GSDME: variants seen among roughly 807,000 people sequenced by gnomAD.
The protein encoded by GSDME is gasdermin-E.
A neutral mutation model predicts 47.5 loss-of-function variants in GSDME; 44 were observed. The observed-to-expected ratio is 0.93, with a 90% CI of 0.73 to 1.19. The LOEUF is 1.19. Among genes scored for constraint, GSDME ranks in the 50% most tolerant of loss-of-function variants. The probability of loss-of-function intolerance (pLI) is 0.00; values close to 1 mark genes in which losing one functional copy is unlikely to be tolerated. For synonymous variants in GSDME, 258 were observed against 252.8 expected (o/e 1.02, Z -0.20); for missense variants, 663 against 604.2 (o/e 1.10, Z -1.02).
In GSDME at chr7:24,698,878, T is replaced by G; in HGVS notation, c.*148A>C. 1.4e-6 allele frequency: 1 copy of G among 708,394 alleles called. No homozygotes were observed. The highest frequency in any genetic ancestry group is 2.5e-6 in the Non-Finnish European group (1 of 395,394). The allele number at this position is 708,394 out of a possible 1,614,324, so 43.9% of individuals were successfully genotyped here. A position where few individuals can be genotyped will look rare whatever the true frequency, so the allele number is the denominator to read the frequency against. The stretch of plus-strand genomic sequence containing the variant: ...TTAAAGAGTACCTGGTGGCTAAAAG[T>G]CAGGTCATTCATCATGCAAAATGTC... On this transcript the variant is annotated 3_prime_UTR_variant, in exon 10 of 10. Transcript: ENST00000645220.
rs915216344 is a variant in GSDME at position 24,732,515 on chromosome 7, T to A, written c.404+12047A>T. ...GTACCTGGTTTTGACTTCATTTTGC[T>A]GAAAGAGGCACTGAAGAGGGTAGGA... On this transcript the variant is annotated intron_variant, in intron 3 of 9. Transcript: ENST00000645220. This position sits in a 1 kb window ranked among gnomAD's most constrained non-coding sequence, Gnocchi z 4.8. 5.3e-5 allele frequency among the ~76,000 whole-genome samples: 8 copies of A among 152,212 alleles called. No individual in the cohort carries two copies. The highest frequency in any genetic ancestry group is 1.9e-4 in the African/African-American group (8 of 41,454).
At chr7:24,713,563 G>A (rs1789437854) in intron 5 of GSDME, among the ~76,000 whole-genome samples, 1 of 152,234 alleles carries the variant, frequency 6.6e-6, no homozygotes, top group South Asian at 2.1e-4. Context: ...CAGGCCTGGG[G>A]GTGGGAGAGG....
At chr7:24,702,501 A>G in intron 9 of GSDME, 2 of 401,670 alleles carry the variant, frequency 5.0e-6, no homozygotes, top group South Asian at 4.1e-5. Flanking sequence ...GGAAAAGTAT[A>G]AGAGTTGGAG....
chr7:24,741,348 A>C (rs1174815982), intron 3 of GSDME, among the ~76,000 whole-genome samples: 1 of 152,182 alleles, frequency 6.6e-6, no homozygotes, highest in Non-Finnish European at 1.5e-5. Flanking sequence ...CCGAGTCACT[A>C]TGAAAAAGAC....
At chr7:24,766,214 T>TGTGTGTGTGC in the GSDME span, among the ~76,000 whole-genome samples, 160 of 151,398 alleles carry the variant, frequency 1.1e-3, 1 homozygote, top group African/African-American at 3.7e-3. This position sits in a 1 kb window ranked among gnomAD's most constrained non-coding sequence, Gnocchi z 4.2. Context: ...TGTGTGTGTG[T>TGTGTGTGTGC]GCATGTTTGC....
At position 24,724,757 on chromosome 7, in the gene GSDME, G is replaced by A. The variant is rs940702560; in HGVS notation, c.405-5539C>T. On this transcript the variant is annotated intron_variant, in intron 3 of 9. Coordinates refer to ENST00000645220, the MANE Select transcript of GSDME (RefSeq NM_001127453.2). The surrounding 1 kb of genome is among the most constrained non-coding windows in gnomAD (Gnocchi z 4.8). The stretch of plus-strand genomic sequence containing the variant: ...GTTCCCTGCTCCAATGTGGTTTAAT[G>A]TTTGTCCCTTCTAAGTTTCATGTTG... The A allele has an allele frequency of 6.6e-6, 1 of 152,228 alleles. No individual in the cohort carries two copies. The highest frequency in any genetic ancestry group is 2.4e-5 in the African/African-American group (1 of 41,436). 9.4% of individuals were successfully genotyped at this position (152,228 alleles called of 1,614,324 possible).
the GSDME span, among the ~76,000 whole-genome samples, chr7:24,795,537 A>T: frequency 6.6e-6 from 1 of 152,116 alleles, no homozygotes; most frequent in Non-Finnish European, 1.5e-5. Flanking sequence ...GGGGTACGTG[A>T]CTGGGGGCTG....
chr7:24,706,333 A>C lies in GSDME; in HGVS notation c.1034T>G (p.Leu345Arg), dbSNP rs1445566238. Reference sequence around the variant, plus strand: ...CTGCTGCCGGGGCTTCAGCTCCCCCAGCACCGCCACTGTGGGCGAGAGGCC... The same window carrying C: ...CTGCTGCCGGGGCTTCAGCTCCCCCCGCACCGCCACTGTGGGCGAGAGGCC... ...VSGLSPTVAV[L>R]GELKPRQQQD... is the part of the protein sequence containing the mutation. The change falls in exon 8 of 10, where the codon CTG (leucine) becomes CGG (arginine). Residue 345 changes from leucine (L) to arginine (R), a missense_variant. Physicochemically the swap from Leu to Arg is moderately radical, Grantham distance 102. Transcript: ENST00000645220. 1 of 1,613,122 alleles carries C rather than the reference A, an allele frequency of 6.2e-7. No homozygotes were observed. The highest frequency in any genetic ancestry group is 2.2e-5 in the East Asian group (1 of 44,860).
At chr7:24,783,806 C>T in the GSDME span, among the ~76,000 whole-genome samples, 1 of 152,064 alleles carries the variant, frequency 6.6e-6, no homozygotes, top group African/African-American at 2.4e-5. Context: ...TCTAGAATTA[C>T]TCCCAGGCTC....
chr7:24,722,018 A>G (rs560160194), intron 3 of GSDME, among the ~76,000 whole-genome samples: 1 of 152,316 alleles, frequency 6.6e-6, no homozygotes, highest in South Asian at 2.1e-4. Context: ...TCTGGAGAGC[A>G]CATTTCCACA....
intron 2 of GSDME, among the ~76,000 whole-genome samples, chr7:24,747,704 G>GT (rs1482918700): frequency 6.6e-6 from 1 of 151,896 alleles, no homozygotes; most frequent in Non-Finnish European, 1.5e-5. Flanking sequence ...CAGGGACTCT[G>GT]TTGCCCAGGC....
rs546615320 is a variant in GSDME, at chr7:24,721,650, T to A, written c.405-2432A>T. ...AAACACTAGCTGGCTCCGCCCACCTTCCCGTGTCCCTCTATGAGGCTCACA... is the reference window on the plus strand; with the variant it reads ...AAACACTAGCTGGCTCCGCCCACCTACCCGTGTCCCTCTATGAGGCTCACA... On this transcript the variant is annotated intron_variant, in intron 3 of 9. Transcript: ENST00000645220. The surrounding 1 kb of genome is among the most constrained non-coding windows in gnomAD (Gnocchi z 4.1). 6.6e-6 allele frequency among the ~76,000 whole-genome samples: 1 copy of A among 152,280 alleles called. No individual in the cohort carries two copies. Among genetic ancestry groups the A allele is most frequent in the African/African-American group, 2.4e-5 (1 of 41,550 alleles).
chr7:24,701,887 C>G (rs1413817787), intron 9 of GSDME, among the ~76,000 whole-genome samples: 1 of 152,196 alleles, frequency 6.6e-6, no homozygotes, highest in Non-Finnish European at 1.5e-5. Context: ...CACAAAGGCA[C>G]CAACCACATT....
Position 24,710,341 on chromosome 7 carries a change from T to C in GSDME, c.745A>G (p.Arg249Gly), listed in dbSNP as rs1789302170. Residue 249 changes from arginine (R) to glycine (G), a missense_variant, in exon 6 of 10, where the codon AGA becomes GGA. By Grantham distance (125) the Arg-to-Gly change is moderately radical. Transcript: ENST00000645220. ...GKQGGFENKK[R>G]IDSVYLDPLV... Reference sequence around the variant, plus strand: ...GGGTCCAGGTAGACAGAGTCAATTCTCTTCTTGTTCTCGAAGCCACCTTGC... The same window carrying C: ...GGGTCCAGGTAGACAGAGTCAATTCCCTTCTTGTTCTCGAAGCCACCTTGC... 1.2e-6 allele frequency: 2 copies of C among 1,614,226 alleles called. No individual in the cohort carries two copies.
the GSDME span, among the ~76,000 whole-genome samples, chr7:24,788,267 AG>A: frequency 6.6e-6 from 1 of 152,134 alleles, no homozygotes; most frequent in African/African-American, 2.4e-5. This position sits in a 1 kb window ranked among gnomAD's most constrained non-coding sequence, Gnocchi z 4.6. Flanking sequence ...TTCAGCCACT[AG>A]GGGGCACTGC....
chr7:24,769,232 G>A, the GSDME span, among the ~76,000 whole-genome samples: 5 of 152,162 alleles, frequency 3.3e-5, no homozygotes, highest in Non-Finnish European at 7.4e-5. Context: ...AGGAACCATT[G>A]CTTGCATGGG....
chr7:24,734,914 C>T (rs767863198), intron 3 of GSDME, among the ~76,000 whole-genome samples: 2 of 152,116 alleles, frequency 1.3e-5, no homozygotes, highest in Non-Finnish European at 2.9e-5. Context: ...CTTCCCAAAC[C>T]TAGAACAAGA....
At chr7:24,709,420 T>A (rs925555518) in intron 6 of GSDME, among the ~76,000 whole-genome samples, 1 of 152,222 alleles carries the variant, frequency 6.6e-6, no homozygotes, top group African/African-American at 2.4e-5. Flanking sequence ...AAGCCTTATA[T>A]TAAAATTGGG....
the GSDME span, among the ~76,000 whole-genome samples, chr7:24,763,035 A>G: frequency 0.012 from 1,808 of 152,266 alleles, 42 homozygotes; most frequent in African/African-American, 0.042. The surrounding 1 kb of genome is among the most constrained non-coding windows in gnomAD (Gnocchi z 4.3). Flanking sequence ...ATGCATTCCA[A>G]CACTCCCAGT....
Sources: gnomAD v4.1 joint callset for allele counts (sites outside exome capture counted in the v4.1 genomes callset) on GRCh38, gnomAD v4.1.1 for gene constraint, Gnocchi (gnomAD v3.1) non-coding constraint, MANE v1.5 for transcripts, NCBI Gene and HGNC (gene_info 2026-07-23, HGNC 2026-07-21) for gene names.